The following RALGAPA2 variants were observed in gnomAD, a reference collection of about 807,000 sequenced individuals.
RALGAPA2 encodes ral GTPase-activating protein subunit alpha-2.
A neutral mutation model predicts 230.4 loss-of-function variants in RALGAPA2; 139 were observed. That is an observed-to-expected ratio of 0.60 (90% confidence interval 0.53 to 0.69). The LOEUF (loss-of-function observed/expected upper bound fraction) is 0.69. Ranked by LOEUF, RALGAPA2 falls within the 30% of genes least tolerant of loss-of-function variation. The pLI is 0.00. For missense variants in RALGAPA2, 2,163 were observed against 2,276.0 expected (o/e 0.95, Z 1.01); for synonymous variants, 847 against 837.8 (o/e 1.01, Z -0.19).
intron 37 of RALGAPA2, among the ~76,000 whole-genome samples, chr20:20,420,372 G>A (rs1033711643): frequency 3.9e-5 from 6 of 152,178 alleles, no homozygotes; most frequent in African/African-American, 1.4e-4. Context: ...AAGGCTGACT[G>A]GCATCTATAC....
chr20:20,491,142 C>T (rs540428233), intron 36 of RALGAPA2, among the ~76,000 whole-genome samples: 4 of 152,262 alleles, frequency 2.6e-5, no homozygotes, highest in Non-Finnish European at 5.9e-5. Flanking sequence ...AAGACACCTA[C>T]CATCTTGTGG....
intron 1 of RALGAPA2, among the ~76,000 whole-genome samples, chr20:20,709,137 G>A (rs1453959798): frequency 4.6e-5 from 7 of 150,668 alleles, no homozygotes; most frequent in African/African-American, 7.3e-5. Flanking sequence ...TGGCCAACAC[G>A]GTGAACCCCT....
intron 18 of RALGAPA2, among the ~76,000 whole-genome samples, chr20:20,586,605 G>T (rs1485953108): frequency 6.6e-6 from 1 of 151,988 alleles, no homozygotes; most frequent in Non-Finnish European, 1.5e-5. Flanking sequence ...ATAAAAGTTG[G>T]AATCACAAAA....
At chr20:20,538,384 A>G (rs1263036681) in intron 24 of RALGAPA2, among the ~76,000 whole-genome samples, 3 of 152,166 alleles carry the variant, frequency 2.0e-5, no homozygotes, top group African/African-American at 7.2e-5. Flanking sequence ...TGAGTAGGGA[A>G]GAGGAAGGTG....
chr20:20,581,149 T>C (rs1490071013), intron 20 of RALGAPA2, among the ~76,000 whole-genome samples: 1 of 152,198 alleles, frequency 6.6e-6, no homozygotes, highest in African/African-American at 2.4e-5. Context: ...AATCACAACA[T>C]GGAGTGCATC....
Position 20,454,144 on chromosome 20 carries a change from G to A in RALGAPA2, c.5495+18685C>T, listed in dbSNP as rs2061053910. Among the ~76,000 whole-genome samples the A allele has an allele frequency of 2.0e-5, 3 of 152,186 alleles. No individual in the cohort carries two copies. The South Asian group carries it at 6.2e-4, about 32-fold the overall frequency. ...TCTCCGAAGGTGTTATCTGTACTCT[G>A]TGAAAAATGGAAAGGATGCAGTGGC... On this transcript the variant is annotated intron_variant, in intron 37 of 39. Coordinates refer to ENST00000202677, the MANE Select transcript of RALGAPA2 (RefSeq NM_020343.4).
chr20:20,587,487 G>A (rs1354169240), intron 18 of RALGAPA2, among the ~76,000 whole-genome samples: 9 of 151,996 alleles, frequency 5.9e-5, no homozygotes, highest in Non-Finnish European at 2.9e-5. Context: ...AATGAAATTG[G>A]ATCCCTACCT....
rs73901552 is a variant in RALGAPA2 at position 20,699,437 on chromosome 20, T to C, written c.106+12938A>G. Among the ~76,000 whole-genome samples, 517 of 152,322 alleles carry C rather than the reference T, an allele frequency of 3.4e-3. 4 individuals carry two copies. The highest frequency in any genetic ancestry group is 0.012 in the African/African-American group (496 of 41,564). On this transcript the variant is annotated intron_variant, in intron 1 of 39. Coordinates refer to ENST00000202677, the MANE Select transcript of RALGAPA2 (RefSeq NM_020343.4). ...CCAAATGCATCCTCATCTTATTAGA[T>C]ACTATAGAGTCCATGGAATCGAGAG...
rs2059612389 is a variant in RALGAPA2 at position 20,392,050 on chromosome 20, TG to T, written c.*1238del. ...CAGGTCAAGGGTCCAGGACACAGCC[TG>T]GGGCCTGCGCCAGCAGCTCTTCGCT... On this transcript the variant is annotated 3_prime_UTR_variant, in exon 40 of 40. Transcript: ENST00000202677. 1 of 152,268 alleles carries T rather than the reference TG, an allele frequency of 6.6e-6. No individual in the cohort carries two copies. The highest frequency in any genetic ancestry group is 2.4e-5 in the African/African-American group (1 of 41,456). The allele number at this position is 152,268 out of a possible 1,614,324, so 9.4% of individuals were successfully genotyped here. A position where few individuals can be genotyped will look rare whatever the true frequency, so the allele number is the denominator to read the frequency against.
chr20:20,485,045 AT>A (rs777649458), intron 36 of RALGAPA2, among the ~76,000 whole-genome samples: 1,829 of 136,902 alleles, frequency 0.013, 10 homozygotes, highest in African/African-American at 0.024. Context: ...ACATTATGAG[AT>A]TTTTTTTTTT....
intron 37 of RALGAPA2, among the ~76,000 whole-genome samples, chr20:20,420,683 A>G (rs1377929448): frequency 6.6e-6 from 1 of 152,046 alleles, no homozygotes; most frequent in Non-Finnish European, 1.5e-5. Context: ...GGCAGGCACG[A>G]CCCTCCCACA....
chr20:20,536,852 T>A, intron 24 of RALGAPA2, 68 bp from the exon 25 acceptor site: 7 of 1,495,354 alleles, frequency 4.7e-6, no homozygotes, highest in South Asian at 2.5e-5. Context: ...ATAAGTGACA[T>A]GTTTTACTCT....
chr20:20,403,014 C>G lies in RALGAPA2; in HGVS notation c.5618-6280G>C, dbSNP rs369900325. ...GCCCTTCCACCTGCTCTTTCCTGCCCCTCCTTCCTTGTCATTTCTCACACG... is the reference window on the plus strand; with the variant it reads ...GCCCTTCCACCTGCTCTTTCCTGCCGCTCCTTCCTTGTCATTTCTCACACG... On this transcript the variant is annotated intron_variant, in intron 38 of 39. Transcript: ENST00000202677. 1.4e-3 allele frequency among the ~76,000 whole-genome samples: 207 copies of G among 152,202 alleles called. 10 individuals carry two copies. The South Asian group carries it at 0.041, about 30-fold the overall frequency.
intron 36 of RALGAPA2, among the ~76,000 whole-genome samples, chr20:20,489,792 G>A (rs2062005778): frequency 6.6e-6 from 1 of 152,208 alleles, no homozygotes; most frequent in Non-Finnish European, 1.5e-5. Context: ...CGCATGCCAA[G>A]GGGTCTGGGG....
At chr20:20,541,250 A>T (rs2063634939) in intron 24 of RALGAPA2, among the ~76,000 whole-genome samples, 1 of 152,064 alleles carries the variant, frequency 6.6e-6, no homozygotes, top group South Asian at 2.1e-4. Flanking sequence ...TTTAAAGGGG[A>T]TACATTCCAA....
intron 1 of RALGAPA2, among the ~76,000 whole-genome samples, chr20:20,689,017 T>C (rs1416406901): frequency 1.3e-5 from 2 of 152,220 alleles, no homozygotes. Flanking sequence ...GGAGCAAATG[T>C]ATGTTCATCC....
chr20:20,448,749 G>A (rs2060920797), intron 37 of RALGAPA2, among the ~76,000 whole-genome samples: 1 of 151,356 alleles, frequency 6.6e-6, no homozygotes, highest in African/African-American at 2.4e-5. Flanking sequence ...TTAGGGTACT[G>A]AAAGAAAATA....
intron 35 of RALGAPA2, among the ~76,000 whole-genome samples, chr20:20,502,474 C>T (rs1004800890): frequency 1.3e-5 from 2 of 152,206 alleles, no homozygotes; most frequent in Admixed American, 1.3e-4. Flanking sequence ...CTCAACAACC[C>T]TGTAACATAG....
chr20:20,486,476 G>A (rs990096983), intron 36 of RALGAPA2, among the ~76,000 whole-genome samples: 1 of 152,010 alleles, frequency 6.6e-6, no homozygotes, highest in Non-Finnish European at 1.5e-5. Flanking sequence ...TATTACCCTT[G>A]CTCTTCTGCA....
Sources: allele counts gnomAD v4.1 joint callset (sites outside exome capture counted in the v4.1 genomes callset), GRCh38; gene constraint gnomAD v4.1.1; transcripts MANE v1.5; gene names NCBI Gene and HGNC (gene_info 2026-07-23, HGNC 2026-07-21).